The following PKD1 variants were observed in gnomAD, a reference collection of about 807,000 sequenced individuals.
The protein encoded by PKD1 is polycystin-1.
In PKD1, 81 loss-of-function variants were observed where a neutral mutation model predicts 361.7. The ratio of observed to expected loss-of-function variants is 0.22; its 90% CI spans 0.19 to 0.27. The LOEUF is 0.27. Ranked by LOEUF, PKD1 falls within the 10% of genes least tolerant of loss-of-function variation. The probability of loss-of-function intolerance (pLI) is 1.00; values close to 1 mark genes in which losing one functional copy is unlikely to be tolerated. For synonymous variants in PKD1, 3,615 were observed against 2,818.3 expected, an observed-to-expected ratio of 1.28 and a Z score of -8.95; for missense variants, 6,399 against 6,118.3, an observed-to-expected ratio of 1.05 and a Z score of -1.53.
rs897403636 is a variant in PKD1, at chr16:2,098,078, G to A, written c.10051-94C>T. 124 of 702,314 alleles carry A rather than the reference G, an allele frequency of 1.8e-4. No individual in the cohort carries two copies. The Admixed American group carries it at 1.9e-3, about 11-fold the overall frequency. 43.5% of individuals were successfully genotyped at this position (702,314 alleles called of 1,614,324 possible). A position where few individuals can be genotyped will look rare whatever the true frequency, so the allele number is the denominator to read the frequency against. On this transcript the variant is annotated intron_variant, in intron 30 of 45. Coordinates refer to ENST00000262304, the MANE Select transcript of PKD1 (RefSeq NM_001009944.3). Reference sequence around the variant, plus strand: ...CTCCTCAGCAGACAGGACAGAGCCCGGTGCCATCTGACAGAATGTCCTAGA... The same window carrying A: ...CTCCTCAGCAGACAGGACAGAGCCCAGTGCCATCTGACAGAATGTCCTAGA...
At position 2,117,515 on chromosome 16, in the gene PKD1, C is replaced by T; in HGVS notation, c.1359G>A (p.Gln453=). The change falls in exon 6 of 46, where the codon CAG becomes CAA. Residue 453 remains glutamine (Q), a synonymous_variant. Coordinates refer to ENST00000262304, the MANE Select transcript of PKD1 (RefSeq NM_001009944.3). ...ALAMVDSPAV[Q]RFLVSRVTRS... is the part of the protein sequence containing the mutation. ...TGGTGACCCGGGAGACCAGGAAGCG[C>T]TGCACGGCGGGACTGTCCACCATTG... 2 of 1,579,108 alleles carry T rather than the reference C, an allele frequency of 1.3e-6. No individual in the cohort carries two copies. The highest frequency in any genetic ancestry group is 4.6e-5 in the East Asian group (2 of 43,172).
intron 1 of PKD1, among the ~76,000 whole-genome samples, chr16:2,125,542 C>A (rs2092786493): frequency 6.6e-6 from 1 of 152,118 alleles, no homozygotes; most frequent in Admixed American, 6.5e-5. Context: ...CAGGCAGGCA[C>A]AGGGATGGAG....
At position 2,089,675 on chromosome 16, in the gene PKD1, A is replaced by AT; in HGVS notation, c.*51_*52insA. 6.5e-7 allele frequency: 1 copy of AT among 1,547,072 alleles called. No individual in the cohort carries two copies. Among genetic ancestry groups the AT allele is most frequent in the Non-Finnish European group, 8.7e-7 (1 of 1,145,554 alleles). On this transcript the variant is annotated 3_prime_UTR_variant, in exon 46 of 46. Coordinates refer to ENST00000262304, the MANE Select transcript of PKD1 (RefSeq NM_001009944.3). ...GGCCTTGACAGCGGCAGAAAGTAATACTGAGCGGTGTCCACTCCGACTCCA... is the reference window on the plus strand; with the variant it reads ...GGCCTTGACAGCGGCAGAAAGTAATATCTGAGCGGTGTCCACTCCGACTCCA...
chr16:2,092,320 GACA>G (rs1213232257), intron 39 of PKD1, 132 bp from the exon 40 acceptor site: 7 of 1,072,116 alleles, frequency 6.5e-6, no homozygotes, highest in East Asian at 2.6e-5. Context: ...CCATCAATTA[GACA>G]ACGTTACCAT....
intron 34 of PKD1, chr16:2,096,845 T>G: frequency 2.1e-6 from 1 of 466,830 alleles, no homozygotes; most frequent in Non-Finnish European, 3.9e-6. Flanking sequence ...AACCCGCCCA[T>G]AATTTCTCAC....
chr16:2,108,106 A>C (rs2092406354), intron 15 of PKD1, 74 bp from the exon 16 acceptor site: 1 of 1,548,324 alleles, frequency 6.5e-7, no homozygotes, highest in South Asian at 1.1e-5. Context: ...GGCCCAGGAG[A>C]CAGCGCGGGA....
chr16:2,105,813 G>C, intron 20 of PKD1, 52 bp downstream of exon 20: 5 of 1,559,310 alleles, frequency 3.2e-6, no homozygotes, highest in East Asian at 2.2e-5. Context: ...ACAGGTCTTG[G>C]TCCCAAGCAC....
intron 30 of PKD1, 121 bp downstream of exon 30, chr16:2,099,523 C>T (rs960612805): frequency 4.9e-5 from 40 of 818,850 alleles, no homozygotes; most frequent in Non-Finnish European, 7.1e-5. Flanking sequence ...TGACCCTTCC[C>T]GAGCAGCCTT....
Position 2,092,575 on chromosome 16 carries a change from G to A in PKD1, c.11174C>T (p.Pro3725Leu). 6.2e-7 allele frequency: 1 copy of A among 1,611,128 alleles called. No individual in the cohort carries two copies. Among genetic ancestry groups the A allele is most frequent in the Non-Finnish European group, 8.5e-7 (1 of 1,178,858 alleles). ...GGGCAGCAGCACGTGGGCCATCCAT[G>A]GCCAGAGCTCCTCAGACCTGCCACA... The part of the protein sequence containing the change: ...LAITRSEELW[P>L]WMAHVLLPYV... Residue 3725 changes from proline to leucine, a missense_variant, in exon 39 of 46, where the codon CCA (proline) becomes CTA (leucine). Transcript: ENST00000262304.
Position 2,090,896 on chromosome 16 carries a change from C to T in PKD1, c.11991G>A (p.Leu3997=). ...GCCCAGCCCTCACCTTGACCAAAAG[C>T]AGGAAGAGCAGCGAGGCCGCCAGGC... ...ARGLAASLLF[L]LLVKAAQQLR... is the part of the protein sequence containing the mutation. Residue 3997 remains leucine (L), a synonymous_variant, in exon 43 of 46, where the codon CTG becomes CTA. Coordinates refer to ENST00000262304, the MANE Select transcript of PKD1 (RefSeq NM_001009944.3). 6.2e-7 allele frequency: 1 copy of T among 1,600,472 alleles called. No individual in the cohort carries two copies. The highest frequency in any genetic ancestry group is 8.5e-7 in the Non-Finnish European group (1 of 1,178,684).
At chr16:2,093,481 A>G (rs2091695779) in intron 37 of PKD1, 63 bp downstream of exon 37, 2 of 1,451,074 alleles carry the variant, frequency 1.4e-6, no homozygotes, top group Admixed American at 1.9e-5. Flanking sequence ...TCCTGCGTGC[A>G]TGGGTGGGAG....
Position 2,094,082 on chromosome 16 carries a change from G to T in PKD1, c.10618+10C>A. On this transcript the variant is annotated intron_variant, in intron 35 of 45. Coordinates refer to ENST00000262304, the MANE Select transcript of PKD1 (RefSeq NM_001009944.3). ...GGGGCTAGGGGCATCCCGGGGCTAC[G>T]CAAGCACACCTGTCCTGGACAGCCT... is the stretch of plus-strand genomic sequence containing the variant. 6.3e-7 allele frequency: 1 copy of T among 1,587,596 alleles called. No individual in the cohort carries two copies. Among genetic ancestry groups the T allele is most frequent in the African/African-American group, 1.3e-5 (1 of 74,554 alleles).
chr16:2,100,553 G>A lies in PKD1; in HGVS notation c.9411C>T (p.His3137=), dbSNP rs750132441. 31 of 1,610,022 alleles carry A rather than the reference G, an allele frequency of 1.9e-5. No individual in the cohort carries two copies. The highest frequency in any genetic ancestry group is 2.5e-5 in the Non-Finnish European group (30 of 1,179,548). Reference sequence around the variant, plus strand: ...CCACCCCATACAGCATGATGCCCACGTGGGCCGTGGTACCTGGGAGGCAAG... The same window carrying A: ...CCACCCCATACAGCATGATGCCCACATGGGCCGTGGTACCTGGGAGGCAAG... ...GWGRGSGTTA[H]VGIMLYGVDS... is the part of the protein sequence containing the mutation. The change falls in exon 27 of 46, where the codon CAC becomes CAT. Residue 3137 remains histidine, a synonymous_variant. Transcript: ENST00000262304. This position sits in a 1 kb window ranked among gnomAD's most constrained non-coding sequence, Gnocchi z 4.4.
chr16:2,113,744 C>T (rs1193699841), intron 11 of PKD1: 3 of 360,428 alleles, frequency 8.3e-6, no homozygotes, highest in East Asian at 6.5e-5. Flanking sequence ...GGCAGGTACC[C>T]GCAAGATGGA....
At chr16:2,129,417 C>T (rs1167616567) in intron 1 of PKD1, among the ~76,000 whole-genome samples, 2 of 151,906 alleles carry the variant, frequency 1.3e-5, no homozygotes, top group African/African-American at 4.8e-5. Context: ...CGTGAGGCAC[C>T]GCGCCCGGCT....
intron 30 of PKD1, chr16:2,099,068 G>C (rs1427589457): frequency 1.8e-4 from 39 of 211,142 alleles, no homozygotes; most frequent in African/African-American, 6.0e-4. Context: ...CTGACCTCAA[G>C]TGATCTGCCC....
At position 2,114,171 on chromosome 16, in the gene PKD1, A is replaced by G; in HGVS notation, c.2852T>C (p.Val951Ala). The G allele has an allele frequency of 1.2e-6, 2 of 1,604,902 alleles. No individual in the cohort carries two copies. Among genetic ancestry groups the G allele is most frequent in the Non-Finnish European group, 1.7e-6 (2 of 1,179,464 alleles). The change falls in exon 11 of 46, where the codon GTG becomes GCG. Residue 951 changes from valine (V) to alanine (A), a missense_variant and splice_region_variant. By Grantham distance (64) the Val-to-Ala change is moderately conservative (BLOSUM62 0). Coordinates refer to ENST00000262304, the MANE Select transcript of PKD1 (RefSeq NM_001009944.3). ...PEARVLQGVL[V>A]RYSPVVEAGS... ...TGGTGGAGCCTCGGCCATACTCACC[A>G]CTAGGACTCCCTGCAGTACACGGGC...
chr16:2,088,740 C>T lies in PKD1; in HGVS notation c.*987G>A, dbSNP rs1483216769. Reference sequence around the variant, plus strand: ...CAGACAGCTCTTTTATTGACTTTGTCTGCTTGGTGCGGGGGTTGGGGGGGT... The same window carrying T: ...CAGACAGCTCTTTTATTGACTTTGTTTGCTTGGTGCGGGGGTTGGGGGGGT... On this transcript the variant is annotated 3_prime_UTR_variant, in exon 46 of 46. Transcript: ENST00000262304. The T allele has an allele frequency of 4.6e-6, 6 of 1,302,164 alleles. No individual in the cohort carries two copies. The highest frequency in any genetic ancestry group is 1.5e-5 in the African/African-American group (1 of 67,522). The allele number at this position is 1,302,164 out of a possible 1,614,324, so 80.7% of individuals were successfully genotyped here.
In PKD1 at chr16:2,102,989, G is replaced by C. The variant is rs762391588; in HGVS notation, c.8792-19C>G. On this transcript the variant is annotated intron_variant, in intron 23 of 45. Coordinates refer to ENST00000262304, the MANE Select transcript of PKD1 (RefSeq NM_001009944.3). ...TAGTGGCCTGGGGCAGAACGCGCAG[G>C]TCACACGCCTGCCGGGAAGCTCAAC... 1 of 1,600,510 alleles carries C rather than the reference G, an allele frequency of 6.2e-7. No homozygotes were observed. The highest frequency in any genetic ancestry group is 8.5e-7 in the Non-Finnish European group (1 of 1,179,532).
Sources: gnomAD v4.1 joint callset for allele counts (sites outside exome capture counted in the v4.1 genomes callset) on GRCh38, gnomAD v4.1.1 for gene constraint, Gnocchi (gnomAD v3.1) non-coding constraint, MANE v1.5 for transcripts, NCBI Gene and HGNC (gene_info 2026-07-23, HGNC 2026-07-21) for gene names.